TESK2: variants seen among roughly 807,000 people sequenced by gnomAD.
The protein encoded by TESK2 is dual specificity testis-specific protein kinase 2.
In TESK2, 39 loss-of-function variants were observed where a neutral mutation model predicts 57.1. That is an observed-to-expected ratio of 0.68 (90% confidence interval 0.53 to 0.89). The LOEUF (loss-of-function observed/expected upper bound fraction) is 0.89, where lower values mean the gene tolerates loss of function less well. Ranked by LOEUF, TESK2 falls within the 40% of genes least tolerant of loss-of-function variation. The pLI, the probability that TESK2 is intolerant of heterozygous loss-of-function variation, is 0.00. For synonymous variants in TESK2, 249 were observed against 267.9 expected, an observed-to-expected ratio of 0.93 and a Z score of 0.69; for missense variants, 646 against 732.1, an observed-to-expected ratio of 0.88 and a Z score of 1.36.
At chr1:45,461,619 C>G (rs901185622) in intron 1 of TESK2, among the ~76,000 whole-genome samples, 3 of 151,524 alleles carry the variant, frequency 2.0e-5, no homozygotes, top group Non-Finnish European at 1.5e-5. Context: ...TGAACAGAGA[C>G]AGAAAAGAAA....
intron 1 of TESK2, among the ~76,000 whole-genome samples, chr1:45,475,765 G>A (rs1390748467): frequency 2.0e-5 from 3 of 152,140 alleles, no homozygotes; most frequent in Non-Finnish European, 4.4e-5. Flanking sequence ...CTAATCAGCT[G>A]CCAGTGTAGC....
rs537055406 is a variant in TESK2 at position 45,450,514 on chromosome 1, C to A, written c.222+7050G>T. ...GCAACAAAACGAGACTCACAAAACCCACAACTATGCTGCATCAAGTCCATA... is the reference window on the plus strand; with the variant it reads ...GCAACAAAACGAGACTCACAAAACCAACAACTATGCTGCATCAAGTCCATA... On this transcript the variant is annotated intron_variant, in intron 2 of 10. Transcript: ENST00000372086. Among the ~76,000 whole-genome samples, 4 of 152,076 alleles carry A rather than the reference C, an allele frequency of 2.6e-5. No individual in the cohort carries two copies. The East Asian group carries it at 7.8e-4, about 30-fold the overall frequency.
chr1:45,357,319 T>G (rs982769800), intron 4 of TESK2, among the ~76,000 whole-genome samples: 1 of 151,982 alleles, frequency 6.6e-6, no homozygotes, highest in Non-Finnish European at 1.5e-5. Flanking sequence ...ACAAAGGAAA[T>G]GACTGACAGT....
chr1:45,361,107 C>T (rs528323372), intron 4 of TESK2, among the ~76,000 whole-genome samples: 28 of 152,262 alleles, frequency 1.8e-4, no homozygotes, highest in Non-Finnish European at 3.2e-4. Flanking sequence ...CGTGAGCTAC[C>T]GCACCCAGCC....
chr1:45,378,467 C>T (rs547142634), intron 4 of TESK2, among the ~76,000 whole-genome samples: 57 of 152,122 alleles, frequency 3.7e-4, no homozygotes, highest in Non-Finnish European at 7.1e-4. Flanking sequence ...CTGTGGGAAG[C>T]CTAAGCCATA....
intron 2 of TESK2, among the ~76,000 whole-genome samples, chr1:45,436,972 A>G (rs1225299036): frequency 6.7e-6 from 1 of 150,082 alleles, no homozygotes; most frequent in African/African-American, 2.5e-5. Context: ...TAATATTTGT[A>G]TTTTTAGTAG....
At chr1:45,391,581 G>A (rs957777816) in intron 3 of TESK2, among the ~76,000 whole-genome samples, 7 of 152,122 alleles carry the variant, frequency 4.6e-5, no homozygotes, top group Admixed American at 4.6e-4. Context: ...CTAGTTATCA[G>A]TAAAGATTTA....
chr1:45,385,363 G>A, intron 4 of TESK2: 1 of 984,842 alleles, frequency 1.0e-6, no homozygotes. Flanking sequence ...ATTCCGCCTA[G>A]CAGAGGCTGG....
intron 2 of TESK2, among the ~76,000 whole-genome samples, chr1:45,429,057 G>A (rs1313210873): frequency 6.6e-6 from 1 of 151,968 alleles, no homozygotes; most frequent in Middle Eastern, 3.4e-3. Context: ...TCCTGACCTC[G>A]TGATCTGCCT....
chr1:45,490,535 G>A (rs1291353998), intron 1 of TESK2, among the ~76,000 whole-genome samples: 1 of 152,136 alleles, frequency 6.6e-6, no homozygotes, highest in African/African-American at 2.4e-5. Flanking sequence ...GTGGGGAGCT[G>A]GAAGTCTCTG....
intron 4 of TESK2, among the ~76,000 whole-genome samples, chr1:45,357,803 C>T (rs986765345): frequency 1.3e-5 from 2 of 148,502 alleles, no homozygotes; most frequent in East Asian, 2.0e-4. Flanking sequence ...GTCGGGAGTT[C>T]GAGACCAGCC....
At chr1:45,362,658 G>T (rs1557543634) in intron 4 of TESK2, among the ~76,000 whole-genome samples, 1 of 152,154 alleles carries the variant, frequency 6.6e-6, no homozygotes, top group African/African-American at 2.4e-5. Flanking sequence ...CCAGGAGTTA[G>T]GGCATTTACC....
intron 2 of TESK2, among the ~76,000 whole-genome samples, chr1:45,425,886 T>C (rs1650670966): frequency 6.6e-6 from 1 of 152,100 alleles, no homozygotes; most frequent in Non-Finnish European, 1.5e-5. Context: ...AGCTTATGCC[T>C]GTAATCCCAG....
chr1:45,472,514 C>A (rs1390000301), intron 1 of TESK2, among the ~76,000 whole-genome samples: 2 of 146,384 alleles, frequency 1.4e-5, no homozygotes, highest in Non-Finnish European at 3.0e-5. Flanking sequence ...ACCAAGATTG[C>A]GCCATTGCAC....
chr1:45,382,082 G>A (rs1648682742), intron 4 of TESK2, among the ~76,000 whole-genome samples: 1 of 151,788 alleles, frequency 6.6e-6, no homozygotes, highest in African/African-American at 2.4e-5. Flanking sequence ...ATGTTGCCAA[G>A]GCTGGTTTCA....
intron 2 of TESK2, among the ~76,000 whole-genome samples, chr1:45,429,790 G>C (rs561328058): frequency 2.6e-5 from 4 of 152,170 alleles, no homozygotes; most frequent in South Asian, 4.2e-4. Flanking sequence ...AAGTCCCTCC[G>C]CTTTAACTCT....
At chr1:45,465,513 A>C (rs1369554340) in intron 1 of TESK2, among the ~76,000 whole-genome samples, 2 of 151,956 alleles carry the variant, frequency 1.3e-5, no homozygotes, top group Non-Finnish European at 2.9e-5. Flanking sequence ...AGAGACAAAG[A>C]AAGAAAGAAA....
intron 3 of TESK2, among the ~76,000 whole-genome samples, chr1:45,395,652 G>T (rs1367851815): frequency 6.7e-6 from 1 of 150,060 alleles, no homozygotes; most frequent in Non-Finnish European, 1.5e-5. Flanking sequence ...TGTCACCCAG[G>T]CTGGAGTGCA....
At position 45,358,006 on chromosome 1, in the gene TESK2, TAAAA is replaced by T. The variant is rs760610185; in HGVS notation, c.394-2561_394-2558del. Among the ~76,000 whole-genome samples the T allele has an allele frequency of 3.3e-4, 8 of 24,272 alleles. No individual in the cohort carries two copies. The East Asian group carries it at 4.8e-3, about 15-fold the overall frequency. 15.9% of individuals were successfully genotyped at this position (24,272 alleles called of 152,430 possible). ...GCAAGTGACGGAGTGAAACTCCGTCTAAAAAAAAAAAAAAAAAAAAAAAAAGCCT... is the reference window on the plus strand; with the variant it reads ...GCAAGTGACGGAGTGAAACTCCGTCTAAAAAAAAAAAAAAAAAAAAAGCCT... On this transcript the variant is annotated intron_variant, in intron 4 of 10. Coordinates refer to ENST00000372086, the MANE Select transcript of TESK2 (RefSeq NM_007170.3).
Sources: allele counts gnomAD v4.1 joint callset (sites outside exome capture counted in the v4.1 genomes callset), GRCh38; gene constraint gnomAD v4.1.1; transcripts MANE v1.5; gene names NCBI Gene and HGNC (gene_info 2026-07-23, HGNC 2026-07-21).